Variants in CD226 observed in about 807,000 individuals in gnomAD.
CD226 encodes CD226 molecule, also known as CD226 antigen.
In CD226, 24 loss-of-function variants were observed where a neutral mutation model predicts 34.9. The observed-to-expected ratio is 0.69, with a 90% CI of 0.50 to 0.97. The LOEUF (loss-of-function observed/expected upper bound fraction) is 0.97. Among genes scored for constraint, CD226 ranks in the 50% least tolerant of loss-of-function variants. The probability of loss-of-function intolerance (pLI) is 0.00; values close to 1 mark genes in which losing one functional copy is unlikely to be tolerated. For missense variants in CD226, 397 were observed against 412.7 expected, an observed-to-expected ratio of 0.96 and a Z score of 0.33; for synonymous variants, 148 against 147.4, an observed-to-expected ratio of 1.00 and a Z score of -0.03.
At chr18:69,937,347 T>A (rs1275735032) in intron 2 of CD226, among the ~76,000 whole-genome samples, 1 of 152,230 alleles carries the variant, frequency 6.6e-6, no homozygotes, top group Non-Finnish European at 1.5e-5. Context: ...ATTTTCTAGA[T>A]AATTTTCTAA....
At chr18:69,927,270 C>T (rs924153077) in intron 2 of CD226, among the ~76,000 whole-genome samples, 1 of 151,936 alleles carries the variant, frequency 6.6e-6, no homozygotes, top group African/African-American at 2.4e-5. Context: ...CTTGGACTTC[C>T]TAGCCTCTAG....
At position 69,864,093 on chromosome 18, in the gene CD226, T is replaced by A. The variant is rs1030650239; in HGVS notation, c.*221A>T. 6 of 496,506 alleles carry A rather than the reference T, an allele frequency of 1.2e-5. No individual in the cohort carries two copies. The South Asian group carries it at 1.5e-4, about 13-fold the overall frequency. The allele number at this position is 496,506 out of a possible 1,614,324, so 30.8% of individuals were successfully genotyped here. ...TCCCCTGGATCATTCTGTTATATGA[T>A]ACAGTAAGTTTTCTTTTGTATATAA... On this transcript the variant is annotated 3_prime_UTR_variant, in exon 6 of 6. Transcript: ENST00000582621.
intron 2 of CD226, among the ~76,000 whole-genome samples, chr18:69,929,152 G>A (rs567043488): frequency 6.6e-6 from 1 of 152,234 alleles, no homozygotes; most frequent in Non-Finnish European, 1.5e-5. Context: ...ACCCAGCCTA[G>A]AAAATGCTGC....
At chr18:69,882,173 A>G (rs1317278830) in intron 3 of CD226, among the ~76,000 whole-genome samples, 1 of 152,204 alleles carries the variant, frequency 6.6e-6, no homozygotes. Context: ...CAGTGAGGGA[A>G]GCAAGCTTCC....
intron 2 of CD226, among the ~76,000 whole-genome samples, chr18:69,940,702 G>A (rs1404110398): frequency 6.6e-6 from 1 of 152,150 alleles, no homozygotes; most frequent in Non-Finnish European, 1.5e-5. Context: ...CATTCAAGAG[G>A]AAGCAGAGCA....
intron 2 of CD226, among the ~76,000 whole-genome samples, chr18:69,921,294 C>A (rs1442428662): frequency 6.6e-6 from 1 of 152,094 alleles, no homozygotes; most frequent in African/African-American, 2.4e-5. Context: ...CTCTTGTCCA[C>A]GCCTCCATGC....
At chr18:69,907,278 A>G (rs2055266486) in intron 2 of CD226, among the ~76,000 whole-genome samples, 1 of 152,178 alleles carries the variant, frequency 6.6e-6, no homozygotes, top group South Asian at 2.1e-4. Flanking sequence ...CCTAGAATCT[A>G]AATTTCCATC....
At position 69,947,038 on chromosome 18, in the gene CD226, T is replaced by C. The variant is rs762016864; in HGVS notation, c.78A>G (p.Ser26=). The C allele has an allele frequency of 6.2e-7, 1 of 1,614,134 alleles. No individual in the cohort carries two copies. Among genetic ancestry groups the C allele is most frequent in the South Asian group, 1.1e-5 (1 of 91,078 alleles). The change falls in exon 2 of 6, where the codon TCA becomes TCG. Residue 26 remains serine, a synonymous_variant. Transcript: ENST00000582621. ...ALCEEVLWHT[S]VPFAENMSLE... ...GAGACATGTTCTCGGCAAAGGGAACTGATGTATGCCAAAGCACCTCTTCAC... is the reference window on the plus strand; with the variant it reads ...GAGACATGTTCTCGGCAAAGGGAACCGATGTATGCCAAAGCACCTCTTCAC...
chr18:69,958,005 T>C (rs917147466), upstream of CD226, among the ~76,000 whole-genome samples: 4 of 152,210 alleles, frequency 2.6e-5, no homozygotes, highest in African/African-American at 9.6e-5. Context: ...GACAATGCTC[T>C]AATGGGGCAG....
chr18:69,915,466 T>C (rs934152605), intron 2 of CD226, among the ~76,000 whole-genome samples: 6 of 152,198 alleles, frequency 3.9e-5, no homozygotes, highest in Non-Finnish European at 2.9e-5. Context: ...CTTTTCCAGA[T>C]TACAGTTAGT....
Position 69,900,284 on chromosome 18 carries a change from C to T in CD226, c.383-4239G>A, listed in dbSNP as rs148973936. On this transcript the variant is annotated intron_variant, in intron 2 of 5. Transcript: ENST00000582621. The stretch of plus-strand genomic sequence containing the variant: ...AACAGACACTGGGTCTAGTTGAGAG[C>T]GGAGGGTGGGAGGAGGGAGAGAAGC... Among the ~76,000 whole-genome samples the T allele has an allele frequency of 2.3e-3, 351 of 152,004 alleles. 4 individuals carry two copies. Among genetic ancestry groups the T allele is most frequent in the African/African-American group, 7.3e-3 (303 of 41,444 alleles).
intron 3 of CD226, among the ~76,000 whole-genome samples, chr18:69,892,134 C>T (rs17081802): frequency 0.047 from 7,195 of 152,242 alleles, 515 homozygotes; most frequent in African/African-American, 0.15. Context: ...TGGTGGAAGA[C>T]GATTATACAA....
At chr18:69,936,319 T>C (rs1212843456) in intron 2 of CD226, among the ~76,000 whole-genome samples, 3 of 152,220 alleles carry the variant, frequency 2.0e-5, no homozygotes, top group Admixed American at 1.3e-4. Flanking sequence ...TGTTCCTTCC[T>C]GGGCTTAGCA....
At chr18:69,904,512 GGT>G (rs1322259161) in intron 2 of CD226, among the ~76,000 whole-genome samples, 1 of 152,124 alleles carries the variant, frequency 6.6e-6, no homozygotes, top group Non-Finnish European at 1.5e-5. Context: ...GGTAACCGTG[GGT>G]CCCCTTGGTG....
At chr18:69,875,112 A>G (rs953308506) in intron 3 of CD226, among the ~76,000 whole-genome samples, 4 of 152,080 alleles carry the variant, frequency 2.6e-5, no homozygotes, top group African/African-American at 9.7e-5. Context: ...TTGCTGGTTC[A>G]TATGATAGCT....
At chr18:69,952,534 G>A (rs1214480987), upstream of CD226, among the ~76,000 whole-genome samples, 1 of 152,180 alleles carries the variant, frequency 6.6e-6, no homozygotes, top group African/African-American at 2.4e-5. Context: ...ATGGTCCTGG[G>A]ACAACTGGAT....
intron 2 of CD226, among the ~76,000 whole-genome samples, chr18:69,914,033 A>T (rs1196966027): frequency 6.6e-6 from 1 of 152,166 alleles, no homozygotes. Context: ...AGATTTCCAA[A>T]ATTTGGAAAG....
In CD226 at chr18:69,877,861, G is replaced by A. The variant is rs149884625; in HGVS notation, c.728-4615C>T. On this transcript the variant is annotated intron_variant, in intron 3 of 5. Coordinates refer to ENST00000582621, the MANE Select transcript of CD226 (RefSeq NM_001303618.2). Reference sequence around the variant, plus strand: ...TCTTAAGAAATAAAGGTGAAATAAAGCATGGAGTCAGGTAGAGATTCAATC... The same window carrying A: ...TCTTAAGAAATAAAGGTGAAATAAAACATGGAGTCAGGTAGAGATTCAATC... 5.8e-3 allele frequency among the ~76,000 whole-genome samples: 878 copies of A among 152,320 alleles called. 10 individuals carry two copies. Among genetic ancestry groups the A allele is most frequent in the African/African-American group, 0.02 (834 of 41,572 alleles).
intron 2 of CD226, among the ~76,000 whole-genome samples, chr18:69,925,605 T>C (rs1456140509): frequency 1.3e-5 from 2 of 152,072 alleles, no homozygotes; most frequent in African/African-American, 4.8e-5. Flanking sequence ...TCCCGTCAAC[T>C]CTACCTTTTA....
Sources: allele counts gnomAD v4.1 joint callset (sites outside exome capture counted in the v4.1 genomes callset), GRCh38; gene constraint gnomAD v4.1.1; transcripts MANE v1.5; gene names NCBI Gene and HGNC (gene_info 2026-07-23, HGNC 2026-07-21).